The following SMYD3 variants were observed in gnomAD, a reference collection of about 807,000 sequenced individuals.
SMYD3 encodes the protein histone-lysine N-methyltransferase SMYD3.
Under a neutral mutation model 57.7 loss-of-function variants are expected in SMYD3, and 36 were observed. That is an observed-to-expected ratio of 0.62 (90% CI 0.48 to 0.82). The LOEUF is 0.82. Among genes scored for constraint, SMYD3 ranks in the 40% least tolerant of loss-of-function variants. The pLI is 0.00. For synonymous variants in SMYD3, 211 were observed against 195.0 expected (o/e 1.08, Z -0.68); for missense variants, 515 against 538.8 (o/e 0.96, Z 0.44).
At chr1:246,317,604 G>A (rs1468780161) in intron 5 of SMYD3, among the ~76,000 whole-genome samples, 2 of 152,010 alleles carry the variant, frequency 1.3e-5, no homozygotes, top group East Asian at 1.9e-4. Flanking sequence ...TATTGTACAC[G>A]GGGCCTTTCA....
intron 10 of SMYD3, chr1:245,788,809 T>C (rs767846994): frequency 6.6e-6 from 1 of 152,210 alleles, no homozygotes; most frequent in Non-Finnish European, 1.5e-5. Flanking sequence ...TCACAGACCA[T>C]GCCAGAGTCC....
intron 5 of SMYD3, among the ~76,000 whole-genome samples, chr1:246,299,331 A>T (rs1380484066): frequency 6.6e-6 from 1 of 152,136 alleles, no homozygotes; most frequent in Non-Finnish European, 1.5e-5. Context: ...TATTATTAAA[A>T]ACTCAAAAAA....
chr1:245,822,366 G>A (rs190349053), intron 10 of SMYD3, among the ~76,000 whole-genome samples: 1,512 of 139,940 alleles, frequency 0.011, 17 homozygotes, highest in Non-Finnish European at 0.013. Context: ...ATGGACACAG[G>A]AAGGGGAACA....
At position 246,202,117 on chromosome 1, in the gene SMYD3, TG is replaced by T. The variant is rs1243551314; in HGVS notation, c.531+125083del. Among the ~76,000 whole-genome samples the T allele has an allele frequency of 2.6e-5, 4 of 152,158 alleles. No homozygotes were observed. Among genetic ancestry groups the T allele is most frequent in the Non-Finnish European group, 4.4e-5 (3 of 68,036 alleles). ...CAAAATAATAATTATTATTTCTAGA[TG>T]GTGAGCTAATGGGTGATTTTTATTT... On this transcript the variant is annotated intron_variant, in intron 5 of 11. Coordinates refer to ENST00000490107, the MANE Select transcript of SMYD3 (RefSeq NM_001167740.2). This position sits in a 1 kb window ranked among gnomAD's most constrained non-coding sequence, Gnocchi z 4.1.
intron 5 of SMYD3, among the ~76,000 whole-genome samples, chr1:245,942,164 A>G (rs1454980859): frequency 6.6e-6 from 1 of 152,238 alleles, no homozygotes; most frequent in Non-Finnish European, 1.5e-5. Flanking sequence ...AAATGCCCCA[A>G]TTAAAAGACA....
chr1:246,217,964 A>G (rs1315331763), intron 5 of SMYD3, among the ~76,000 whole-genome samples: 1 of 152,170 alleles, frequency 6.6e-6, no homozygotes, highest in African/African-American at 2.4e-5. Context: ...TGTTCAATGG[A>G]AGATAAATAC....
chr1:245,814,886 G>T (rs940886156), intron 10 of SMYD3, among the ~76,000 whole-genome samples: 1 of 150,180 alleles, frequency 6.7e-6, no homozygotes, highest in Non-Finnish European at 1.5e-5. Flanking sequence ...ACGCACACAC[G>T]CATGCACACA....
At chr1:246,012,223 T>C (rs1300924347) in intron 5 of SMYD3, among the ~76,000 whole-genome samples, 3 of 152,198 alleles carry the variant, frequency 2.0e-5, no homozygotes, top group African/African-American at 7.2e-5. Context: ...ACATAAAGCG[T>C]TGAAAACCAC....
At chr1:246,376,443 T>C (rs886847049) in intron 1 of SMYD3, among the ~76,000 whole-genome samples, 2 of 151,054 alleles carry the variant, frequency 1.3e-5, no homozygotes, top group African/African-American at 2.4e-5. Flanking sequence ...ATACAAAAAT[T>C]AGCCAGGCGT....
At chr1:245,772,882 G>A (rs1364527009) in intron 10 of SMYD3, among the ~76,000 whole-genome samples, 1 of 152,144 alleles carries the variant, frequency 6.6e-6, no homozygotes, top group Non-Finnish European at 1.5e-5. Context: ...GATTTGGGCT[G>A]AAGACATGGC....
At chr1:245,871,684 A>T (rs1342049664) in intron 8 of SMYD3, among the ~76,000 whole-genome samples, 4 of 152,242 alleles carry the variant, frequency 2.6e-5, no homozygotes, top group Admixed American at 1.3e-4. Flanking sequence ...CGAGCTGTGT[A>T]GTCTTGGCAA....
In SMYD3 at chr1:246,263,380, C is replaced by T. The variant is rs193234903; in HGVS notation, c.531+63821G>A. ...ACATACCCAGGTCAGAGTTAGGGCTCATTAACAGTTAGCTGTATATTGAAG... is the reference window on the plus strand; with the variant it reads ...ACATACCCAGGTCAGAGTTAGGGCTTATTAACAGTTAGCTGTATATTGAAG... On this transcript the variant is annotated intron_variant, in intron 5 of 11. Transcript: ENST00000490107. Among the ~76,000 whole-genome samples, 68 of 152,196 alleles carry T rather than the reference C, an allele frequency of 4.5e-4. 2 individuals carry two copies. The South Asian group carries it at 7.3e-3, about 16-fold the overall frequency.
intron 5 of SMYD3, among the ~76,000 whole-genome samples, chr1:246,207,005 C>T (rs936157543): frequency 2.0e-5 from 3 of 152,112 alleles, no homozygotes; most frequent in Non-Finnish European, 4.4e-5. Flanking sequence ...CAGTTGAGTT[C>T]CCTAAACATT....
chr1:246,310,769 A>G (rs938755641), intron 5 of SMYD3, among the ~76,000 whole-genome samples: 2 of 149,972 alleles, frequency 1.3e-5, no homozygotes, highest in Non-Finnish European at 3.0e-5. Context: ...TCCCAAGTTC[A>G]AGCAATTCTC....
intron 10 of SMYD3, among the ~76,000 whole-genome samples, chr1:245,820,168 C>A (rs2148334716): frequency 1.3e-5 from 2 of 150,664 alleles, no homozygotes; most frequent in East Asian, 3.9e-4. Context: ...CAAAACAAAT[C>A]CAGCAGCACA....
intron 10 of SMYD3, among the ~76,000 whole-genome samples, chr1:245,793,371 G>A (rs931965984): frequency 3.6e-4 from 55 of 151,776 alleles, no homozygotes; most frequent in African/African-American, 1.2e-3. Context: ...ATGTTTTCCC[G>A]CTGGCAGACA....
chr1:245,860,830 G>C (rs1383558769), intron 9 of SMYD3, among the ~76,000 whole-genome samples: 1 of 152,234 alleles, frequency 6.6e-6, no homozygotes, highest in Non-Finnish European at 1.5e-5. Flanking sequence ...TTGACGAACT[G>C]TCAGGAGGAA....
At chr1:246,119,391 ACACT>A (rs2061389806) in intron 5 of SMYD3, among the ~76,000 whole-genome samples, 1 of 149,914 alleles carries the variant, frequency 6.7e-6, no homozygotes, top group Non-Finnish European at 1.5e-5. Flanking sequence ...TGTAACTAAA[ACACT>A]CACTCTTTTT....
intron 7 of SMYD3, among the ~76,000 whole-genome samples, chr1:245,923,787 T>C (rs1463382295): frequency 1.3e-5 from 2 of 152,234 alleles, no homozygotes; most frequent in African/African-American, 4.8e-5. Flanking sequence ...CTATTATTGT[T>C]TTCTGTTCTC....
Sources: allele counts gnomAD v4.1 joint callset (sites outside exome capture counted in the v4.1 genomes callset), GRCh38; gene constraint gnomAD v4.1.1; non-coding constraint Gnocchi (gnomAD v3.1); transcripts MANE v1.5; gene names NCBI Gene and HGNC (gene_info 2026-07-23, HGNC 2026-07-21).